The following RIPOR2 variants were observed in gnomAD, a reference collection of about 807,000 sequenced individuals.
RIPOR2 encodes RHO family interacting cell polarization regulator 2.
In RIPOR2, 39 loss-of-function variants were observed where a neutral mutation model predicts 114.5. That is an observed-to-expected ratio of 0.34 (90% CI 0.26 to 0.44). The LOEUF (loss-of-function observed/expected upper bound fraction) is 0.44, where lower values mean the gene tolerates loss of function less well. Ranked by LOEUF, RIPOR2 falls within the 20% of genes least tolerant of loss-of-function variation. The pLI, the probability that RIPOR2 is intolerant of heterozygous loss-of-function variation, is 1.00. For missense variants in RIPOR2, 1,007 were observed against 1,255.1 expected (o/e 0.80, Z 2.99); for synonymous variants, 445 against 484.4 (o/e 0.92, Z 1.07).
At chr6:24,940,639 A>G (rs547036938), upstream of RIPOR2, among the ~76,000 whole-genome samples, 7 of 152,180 alleles carry the variant, frequency 4.6e-5, no homozygotes, top group Non-Finnish European at 7.4e-5. Flanking sequence ...GAGCTGGGAC[A>G]AAAGGAATAC....
intron 1 of RIPOR2, among the ~76,000 whole-genome samples, chr6:25,029,874 C>A (rs1561854004): frequency 6.6e-6 from 1 of 151,722 alleles, no homozygotes; most frequent in Non-Finnish European, 1.5e-5. Context: ...CTTAAGAGAT[C>A]AAGATATTCT....
chr6:24,897,476 G>A (rs1767993988), intron 1 of RIPOR2, among the ~76,000 whole-genome samples: 1 of 152,184 alleles, frequency 6.6e-6, no homozygotes, highest in African/African-American at 2.4e-5. Flanking sequence ...TCCAGATTTG[G>A]ATTCCGGATT....
intron 1 of RIPOR2, among the ~76,000 whole-genome samples, chr6:25,005,367 C>T (rs1159588201): frequency 1.3e-5 from 2 of 152,096 alleles, no homozygotes; most frequent in Non-Finnish European, 2.9e-5. Flanking sequence ...AGACAAAACT[C>T]CCCATTAATC....
chr6:24,913,001 C>A (rs1182425199), intron 1 of RIPOR2, among the ~76,000 whole-genome samples: 2 of 152,184 alleles, frequency 1.3e-5, no homozygotes, highest in African/African-American at 2.4e-5. Flanking sequence ...TCCTGATGAT[C>A]ACAAAGATGA....
chr6:24,875,641 T>G, intron 2 of RIPOR2, 50 bp downstream of exon 2: 1 of 1,572,938 alleles, frequency 6.4e-7, no homozygotes, highest in Non-Finnish European at 8.6e-7. Context: ...AACATCAAAG[T>G]TCACTTCCTT....
intron 19 of RIPOR2, among the ~76,000 whole-genome samples, chr6:24,818,863 T>A (rs1455404357): frequency 2.0e-5 from 3 of 151,576 alleles, no homozygotes; most frequent in African/African-American, 7.3e-5. Context: ...ACATAAGGGA[T>A]CAATTTATTG....
intron 1 of RIPOR2, among the ~76,000 whole-genome samples, chr6:25,003,198 T>C (rs1361040702): frequency 6.6e-6 from 1 of 152,100 alleles, no homozygotes; most frequent in Non-Finnish European, 1.5e-5. Context: ...TAAGTAACCT[T>C]TCTCAGAGCA....
intron 1 of RIPOR2, among the ~76,000 whole-genome samples, chr6:24,911,623 GTTT>G: frequency 6.6e-6 from 1 of 152,208 alleles, no homozygotes; most frequent in South Asian, 2.1e-4. Context: ...AAAGAGAATT[GTTT>G]TTTATTTTGT....
At chr6:24,847,401 A>G (rs1362375350) in intron 12 of RIPOR2, 2 of 714,124 alleles carry the variant, frequency 2.8e-6, no homozygotes, top group Non-Finnish European at 2.2e-6. Context: ...ATGCACGACC[A>G]AGTGTCCCGC....
At position 24,806,485 on chromosome 6, in the gene RIPOR2, A is replaced by G. The variant is rs115680381; in HGVS notation, c.3044-12T>C. 11,465 of 1,522,738 alleles carry G rather than the reference A, an allele frequency of 7.5e-3. 56 individuals are homozygous for G. The highest frequency in any genetic ancestry group is 8.9e-3 in the Non-Finnish European group (9,981 of 1,126,464). The allele number at this position is 1,522,738 out of a possible 1,614,324, so 94.3% of individuals were successfully genotyped here. On this transcript the variant is annotated splice_polypyrimidine_tract_variant and intron_variant, in intron 21 of 21. Transcript: ENST00000643898. The stretch of plus-strand genomic sequence containing the variant: ...CCGCCCATCTTCTCCTAAATACAGA[A>G]CATTAAACATGAATACCAATTCAAA...
At chr6:24,882,262 C>G (rs1373068339) in intron 1 of RIPOR2, among the ~76,000 whole-genome samples, 1 of 152,220 alleles carries the variant, frequency 6.6e-6, no homozygotes, top group Non-Finnish European at 1.5e-5. Context: ...TAGCAAGCCT[C>G]TCTTCAAATT....
At chr6:24,939,425 C>T (rs147472713), upstream of RIPOR2, among the ~76,000 whole-genome samples, 1,039 of 152,198 alleles carry the variant, frequency 6.8e-3, 13 homozygotes, top group African/African-American at 0.022. Context: ...ACTCATCTCT[C>T]ATATCAGGAA....
At chr6:24,919,865 C>T (rs1347290088) in intron 1 of RIPOR2, among the ~76,000 whole-genome samples, 2 of 152,190 alleles carry the variant, frequency 1.3e-5, no homozygotes, top group South Asian at 2.1e-4. Context: ...AGAATACACT[C>T]GCCCTCTTGT....
intron 8 of RIPOR2, among the ~76,000 whole-genome samples, chr6:24,859,001 G>A (rs1763791307): frequency 6.6e-6 from 1 of 152,124 alleles, no homozygotes; most frequent in South Asian, 2.1e-4. Context: ...TTTGAGCAAT[G>A]GTTTATATTG....
At chr6:24,874,994 C>T (rs1160741330) in intron 2 of RIPOR2, among the ~76,000 whole-genome samples, 2 of 152,196 alleles carry the variant, frequency 1.3e-5, no homozygotes, top group African/African-American at 4.8e-5. Context: ...GGCTAGGCCA[C>T]TCACTGACCC....
At chr6:24,999,649 G>A (rs950830960) in intron 1 of RIPOR2, among the ~76,000 whole-genome samples, 1 of 150,566 alleles carries the variant, frequency 6.6e-6, no homozygotes, top group Non-Finnish European at 1.5e-5. Flanking sequence ...TCCACCTCCC[G>A]GGTTCACGCC....
chr6:24,825,789 C>T (rs1760116893), intron 18 of RIPOR2, among the ~76,000 whole-genome samples: 1 of 152,128 alleles, frequency 6.6e-6, no homozygotes, highest in South Asian at 2.1e-4. Flanking sequence ...CTTAATTGCT[C>T]CTCTTTTAGT....
intron 8 of RIPOR2, among the ~76,000 whole-genome samples, chr6:24,856,941 A>G (rs1474771063): frequency 5.5e-4 from 50 of 90,238 alleles, no homozygotes; most frequent in Non-Finnish European, 2.7e-5. Flanking sequence ...TTATATCTGA[A>G]GAAAACAATG....
chr6:24,830,994 G>T (rs1014857147), intron 16 of RIPOR2, among the ~76,000 whole-genome samples: 15 of 152,058 alleles, frequency 9.9e-5, no homozygotes, highest in South Asian at 6.2e-4. Flanking sequence ...GGGATTATAA[G>T]CGTGAGCCAC....
Sources: allele counts gnomAD v4.1 joint callset (sites outside exome capture counted in the v4.1 genomes callset), GRCh38; gene constraint gnomAD v4.1.1; transcripts MANE v1.5; gene names NCBI Gene and HGNC (gene_info 2026-07-23, HGNC 2026-07-21).